The following COPB1 variants were observed in gnomAD, a reference collection of about 807,000 sequenced individuals.
The protein encoded by COPB1 is coatomer subunit beta.
Under a neutral mutation model 108.7 loss-of-function variants are expected in COPB1, and 21 were observed. The ratio of observed to expected loss-of-function variants is 0.19; its 90% CI spans 0.14 to 0.28. COPB1 has a LOEUF of 0.28. COPB1 is among the 10% of genes least tolerant of loss of function. COPB1 has a pLI of 1.00. For synonymous variants in COPB1, 378 were observed against 386.8 expected (o/e 0.98, Z 0.27); for missense variants, 919 against 1,141.3 (o/e 0.81, Z 2.81).
At chr11:14,468,595 T>C in intron 16 of COPB1, 86 bp downstream of exon 16, 18 of 1,319,448 alleles carry the variant, frequency 1.4e-5, no homozygotes, top group Non-Finnish European at 1.8e-5. Flanking sequence ...GACAAAATAG[T>C]TATCTTTCTT....
Position 14,483,094 on chromosome 11 carries a change from G to C in COPB1, c.895C>G (p.Leu299Val). 6.3e-7 allele frequency: 1 copy of C among 1,591,076 alleles called. No homozygotes were observed. The highest frequency in any genetic ancestry group is 8.6e-7 in the Non-Finnish European group (1 of 1,162,046). ...IIKESDNNVK[L>V]IVLDRLIELK... ...TCTATCAAGCGATCCAAAACTATGA[G>C]TTTTACATTGTTGTCGCTCTCCTTA... The change falls in exon 8 of 22, where the codon CTC becomes GTC. Residue 299 changes from leucine (L) to valine (V), a missense_variant. Coordinates refer to ENST00000439561, the MANE Select transcript of COPB1 (RefSeq NM_001144061.2).
intron 21 of COPB1, among the ~76,000 whole-genome samples, chr11:14,458,173 G>A (rs1325059114): frequency 7.3e-5 from 10 of 137,004 alleles, no homozygotes; most frequent in African/African-American, 2.2e-4. Flanking sequence ...TCCACCTCCC[G>A]GGTTCAAGCA....
At chr11:14,477,059 C>CTT (rs1565017587) in intron 11 of COPB1, 44 bp from the exon 12 acceptor site, 2 of 1,266,104 alleles carry the variant, frequency 1.6e-6, no homozygotes, top group Non-Finnish European at 2.3e-6. Flanking sequence ...GCAGACAAAT[C>CTT]TTGAAGCAGA....
chr11:14,461,387 A>T, intron 18 of COPB1, 56 bp from the exon 19 acceptor site: 1 of 1,568,818 alleles, frequency 6.4e-7, no homozygotes, highest in Non-Finnish European at 8.7e-7. Flanking sequence ...TGAATTTAAA[A>T]AATCTTAATA....
chr11:14,464,945 T>C lies in COPB1; in HGVS notation c.2376A>G (p.Ala792=). The C allele has an allele frequency of 1.2e-6, 2 of 1,613,648 alleles. No homozygotes were observed. Among genetic ancestry groups the C allele is most frequent in the Middle Eastern group, 1.7e-4 (1 of 5,930 alleles). The change falls in exon 18 of 22, where the codon GCA becomes GCG. Residue 792 remains alanine, a synonymous_variant. Coordinates refer to ENST00000439561, the MANE Select transcript of COPB1 (RefSeq NM_001144061.2). ...FANIKANVKV[A]STENGIIFGN... ...CAAAAATTATTCCATTTTCTGTTGA[T>C]GCTACTTTGACGTTAGCTTTAATAT... is the stretch of plus-strand genomic sequence containing the variant.
chr11:14,490,376 T>C (rs926898457), intron 5 of COPB1, among the ~76,000 whole-genome samples, 189 bp downstream of exon 5: 40 of 152,172 alleles, frequency 2.6e-4, no homozygotes, highest in Non-Finnish European at 5.4e-4. Flanking sequence ...AAAGAATGTA[T>C]ACATATGCAA....
chr11:14,474,420 G>A, intron 14 of COPB1, 75 bp downstream of exon 14: 1 of 1,347,718 alleles, frequency 7.4e-7, no homozygotes, highest in Non-Finnish European at 1.0e-6. Flanking sequence ...TAATTTTTGA[G>A]TCCCTCACTG....
chr11:14,475,195 T>C (rs1390618003), intron 13 of COPB1, among the ~76,000 whole-genome samples: 1 of 151,692 alleles, frequency 6.6e-6, no homozygotes, highest in Admixed American at 6.6e-5. Context: ...GCATACGTAA[T>C]TGCAGCTAAT....
rs755264306 is a variant in COPB1 at position 14,499,005 on chromosome 11, C to T, written c.-57-20G>A. The T allele has an allele frequency of 2.3e-5, 25 of 1,091,058 alleles. No individual in the cohort carries two copies. The highest frequency in any genetic ancestry group is 3.1e-5 in the Non-Finnish European group (24 of 774,032). The allele number at this position is 1,091,058 out of a possible 1,614,324, so 67.6% of individuals were successfully genotyped here. A position where few individuals can be genotyped will look rare whatever the true frequency, so the allele number is the denominator to read the frequency against. On this transcript the variant is annotated intron_variant, in intron 1 of 21. Transcript: ENST00000439561. ...GAAAATCTAGAAAAATAAACACAGA[C>T]ATATCATTACAAATTAAAAAAAAAA...
intron 14 of COPB1, among the ~76,000 whole-genome samples, chr11:14,472,007 G>C (rs1850416604): frequency 6.6e-6 from 1 of 152,134 alleles, no homozygotes; most frequent in Non-Finnish European, 1.5e-5. Flanking sequence ...TTTCAATTTA[G>C]AAACCTGCTG....
chr11:14,496,958 C>T (rs955107439), intron 2 of COPB1, among the ~76,000 whole-genome samples: 2 of 152,122 alleles, frequency 1.3e-5, no homozygotes, highest in African/African-American at 4.8e-5. Flanking sequence ...AAGACAGTCC[C>T]TTCAATAAAT....
intron 12 of COPB1, among the ~76,000 whole-genome samples, chr11:14,476,335 T>G (rs1260742130): frequency 6.6e-6 from 1 of 152,208 alleles, no homozygotes; most frequent in Non-Finnish European, 1.5e-5. Context: ...AAAACAGTAC[T>G]CATCCTTCTA....
intron 15 of COPB1, among the ~76,000 whole-genome samples, chr11:14,469,128 G>A (rs1471788139): frequency 6.6e-6 from 1 of 152,024 alleles, no homozygotes; most frequent in Non-Finnish European, 1.5e-5. Flanking sequence ...CCAAGTAGCT[G>A]GAATGACAGG....
At chr11:14,479,745 AC>A in intron 10 of COPB1, 31 bp from the exon 11 acceptor site, 1 of 1,542,580 alleles carries the variant, frequency 6.5e-7, no homozygotes, top group Non-Finnish European at 8.7e-7. Context: ...AGAAAATGGA[AC>A]TAACAATTTT....
intron 4 of COPB1, among the ~76,000 whole-genome samples, chr11:14,491,755 T>C (rs1374000833): frequency 2.0e-5 from 3 of 152,130 alleles, no homozygotes. Context: ...CGTTTTCTAG[T>C]TCAATACAGA....
chr11:14,474,653 G>C (rs564739984), intron 13 of COPB1, 38 bp from the exon 14 acceptor site: 1 of 1,609,308 alleles, frequency 6.2e-7, no homozygotes, highest in South Asian at 1.1e-5. Context: ...CCACCAACTT[G>C]CTAAGCAGCA....
chr11:14,494,310 A>G lies in COPB1; in HGVS notation c.221T>C (p.Ile74Thr). ...CCAAAATACCAGAAGTAATTTCTTG[A>G]TAGTGTGATCCTGAAGAGGTAGCAC... Reference protein sequence around the residue: ...RFVLPLQDHTIKKLLLVFWEI... With the variant: ...RFVLPLQDHTTKKLLLVFWEI... The change falls in exon 3 of 22, where the codon ATC becomes ACC. Residue 74 changes from isoleucine to threonine, a missense_variant. Physicochemically the swap from Ile to Thr is moderately conservative, Grantham distance 89. Around this residue, in one of 5 missense-constraint regions of COPB1, gnomAD observed 92 missense variants for 108.4 expected, o/e 0.85. Coordinates refer to ENST00000439561, the MANE Select transcript of COPB1 (RefSeq NM_001144061.2). The G allele has an allele frequency of 1.2e-6, 2 of 1,613,836 alleles. No individual in the cohort carries two copies. The highest frequency in any genetic ancestry group is 1.7e-6 in the Non-Finnish European group (2 of 1,179,820).
intron 20 of COPB1, among the ~76,000 whole-genome samples, chr11:14,458,899 C>T (rs538618525): frequency 1.7e-4 from 26 of 152,054 alleles, no homozygotes; most frequent in African/African-American, 6.0e-4. Context: ...TCCCAAGTAG[C>T]TGGGATTACA....
intron 11 of COPB1, among the ~76,000 whole-genome samples, chr11:14,477,388 T>TTAAAAAAAAAAA (rs1850546535): frequency 1.7e-4 from 1 of 5,800 alleles, no homozygotes; most frequent in African/African-American, 1.3e-3. Flanking sequence ...AGACTCCGTC[T>TTAAAAAAAAAAA]CAAAAAAAAA....
Sources: allele counts gnomAD v4.1 joint callset (sites outside exome capture counted in the v4.1 genomes callset), GRCh38; gene constraint gnomAD v4.1.1; regional missense constraint gnomAD v4.1.1; transcripts MANE v1.5; gene names NCBI Gene and HGNC (gene_info 2026-07-23, HGNC 2026-07-21).